The following CCSER1 variants were observed in gnomAD, a reference collection of about 807,000 sequenced individuals.
The protein encoded by CCSER1 is coiled-coil serine rich protein 1.
CCSER1 carries 41 observed loss-of-function variants against 82.0 expected under a neutral mutation model. That is an observed-to-expected ratio of 0.50 (90% CI 0.39 to 0.65). The LOEUF (loss-of-function observed/expected upper bound fraction) is 0.65, where lower values mean the gene tolerates loss of function less well. Among genes scored for constraint, CCSER1 ranks in the 30% least tolerant of loss-of-function variants. The pLI is 0.00. For missense variants in CCSER1, 1,119 were observed against 1,064.2 expected, an observed-to-expected ratio of 1.05 and a Z score of -0.72; for synonymous variants, 414 against 383.9, an observed-to-expected ratio of 1.08 and a Z score of -0.92.
At chr4:90,859,154 T>C (rs1402809548) in intron 8 of CCSER1, among the ~76,000 whole-genome samples, 1 of 151,860 alleles carries the variant, frequency 6.6e-6, no homozygotes, top group Non-Finnish European at 1.5e-5. Context: ...CATTCTAGTC[T>C]TACTTCTGAC....
chr4:90,448,381 A>T (rs1213677320), intron 4 of CCSER1, among the ~76,000 whole-genome samples: 1 of 148,606 alleles, frequency 6.7e-6, no homozygotes, highest in Non-Finnish European at 1.5e-5. Flanking sequence ...GTTTGAAATG[A>T]GAAACATAAC....
At chr4:91,059,455 T>TTATATATATATATATATA (rs56706370) in intron 9 of CCSER1, among the ~76,000 whole-genome samples, 1 of 145,788 alleles carries the variant, frequency 6.9e-6, no homozygotes, top group Admixed American at 6.9e-5. Flanking sequence ...TTTATTAAGG[T>TTATATATATATATATATA]TATATATATA....
intron 5 of CCSER1, among the ~76,000 whole-genome samples, chr4:90,609,652 A>G (rs189765802): frequency 7.2e-4 from 110 of 152,294 alleles, no homozygotes; most frequent in African/African-American, 2.1e-3. Context: ...ATGTTACCCA[A>G]TTGAGATATT....
intron 10 of CCSER1, among the ~76,000 whole-genome samples, chr4:91,154,647 A>AT (rs1199468778): frequency 6.6e-6 from 1 of 151,984 alleles, no homozygotes; most frequent in Admixed American, 6.6e-5. Flanking sequence ...AGCTCTTCCT[A>AT]TTTGGCCATC....
intron 10 of CCSER1, among the ~76,000 whole-genome samples, chr4:91,177,900 G>T (rs1336460114): frequency 6.6e-6 from 1 of 152,168 alleles, no homozygotes; most frequent in African/African-American, 2.4e-5. Context: ...TAATTGTGAT[G>T]TTAGGGTGTC....
chr4:90,609,001 G>A (rs887308990), intron 5 of CCSER1, among the ~76,000 whole-genome samples: 3 of 151,726 alleles, frequency 2.0e-5, no homozygotes, highest in South Asian at 2.1e-4. Flanking sequence ...TGTTCTGATA[G>A]CATCATATTA....
chr4:90,422,016 G>A (rs868274154), intron 4 of CCSER1, among the ~76,000 whole-genome samples: 2 of 152,188 alleles, frequency 1.3e-5, no homozygotes, highest in Middle Eastern at 3.4e-3. Flanking sequence ...TTAACTAAAG[G>A]CATAATCAAT....
intron 10 of CCSER1, among the ~76,000 whole-genome samples, chr4:91,141,532 T>C (rs533213609): frequency 2.0e-5 from 3 of 152,354 alleles, no homozygotes; most frequent in South Asian, 4.1e-4. Context: ...CCACTACTGA[T>C]GAGCACCTAC....
intron 10 of CCSER1, among the ~76,000 whole-genome samples, chr4:91,560,097 T>C (rs1177333534): frequency 6.6e-6 from 1 of 151,442 alleles, no homozygotes; most frequent in African/African-American, 2.4e-5. Flanking sequence ...ACATATACTC[T>C]AGTCACTCAA....
intron 5 of CCSER1, among the ~76,000 whole-genome samples, chr4:90,583,113 G>A (rs1339081464): frequency 6.6e-6 from 1 of 152,004 alleles, no homozygotes; most frequent in African/African-American, 2.4e-5. Context: ...CTACTCAATG[G>A]TTTTGTGAGT....
intron 7 of CCSER1, among the ~76,000 whole-genome samples, chr4:90,784,540 A>G (rs1754215894): frequency 6.6e-6 from 1 of 152,178 alleles, no homozygotes; most frequent in Non-Finnish European, 1.5e-5. Context: ...AGGGGACTAT[A>G]AATCTTTGAA....
At chr4:90,950,090 G>A (rs1263541346) in intron 9 of CCSER1, among the ~76,000 whole-genome samples, 1 of 152,080 alleles carries the variant, frequency 6.6e-6, no homozygotes, top group Non-Finnish European at 1.5e-5. Context: ...ACATTGCCAG[G>A]CAAATGAGGA....
chr4:91,021,152 C>G (rs549699849), intron 9 of CCSER1, among the ~76,000 whole-genome samples: 40 of 152,182 alleles, frequency 2.6e-4, no homozygotes, highest in African/African-American at 9.4e-4. Context: ...TTTAAAATTT[C>G]TCATTGTTTA....
intron 10 of CCSER1, among the ~76,000 whole-genome samples, chr4:91,098,362 C>T (rs1013195596): frequency 1.6e-4 from 25 of 152,160 alleles, no homozygotes; most frequent in Non-Finnish European, 3.2e-4. Context: ...TTCAAAGTAA[C>T]TTGCCAACCT....
chr4:90,404,563 AC>A (rs1753425456), intron 4 of CCSER1, among the ~76,000 whole-genome samples: 1 of 152,144 alleles, frequency 6.6e-6, no homozygotes, highest in African/African-American at 2.4e-5. Context: ...CCAACACAAA[AC>A]CAGTGCACTA....
chr4:90,234,452 GA>G (rs1745374633), intron 1 of CCSER1, among the ~76,000 whole-genome samples: 1 of 152,154 alleles, frequency 6.6e-6, no homozygotes, highest in Non-Finnish European at 1.5e-5. Context: ...CCTGACCTCA[GA>G]TGATCCGCCC....
At chr4:91,197,771 G>T (rs7680469) in intron 10 of CCSER1, among the ~76,000 whole-genome samples, 16 of 152,096 alleles carry the variant, frequency 1.1e-4, no homozygotes, top group African/African-American at 3.6e-4. Flanking sequence ...CTCACTATAC[G>T]TGCCCCCATG....
chr4:91,398,841 A>G (rs1752150966), intron 10 of CCSER1, among the ~76,000 whole-genome samples: 1 of 151,870 alleles, frequency 6.6e-6, no homozygotes, highest in African/African-American at 2.4e-5. Flanking sequence ...AGAAGAGCTT[A>G]TATACATTTT....
intron 9 of CCSER1, among the ~76,000 whole-genome samples, chr4:90,999,479 T>C (rs1737799504): frequency 6.6e-6 from 1 of 152,166 alleles, no homozygotes; most frequent in Admixed American, 6.5e-5. Flanking sequence ...CTCTAATGAT[T>C]AGTGATGATG....
Sources: gnomAD v4.1 joint callset for allele counts (sites outside exome capture counted in the v4.1 genomes callset) on GRCh38, gnomAD v4.1.1 for gene constraint, MANE v1.5 for transcripts, NCBI Gene and HGNC (gene_info 2026-07-23, HGNC 2026-07-21) for gene names.